The following RBMS3 variants were observed in gnomAD, a reference collection of about 807,000 sequenced individuals.
The protein encoded by RBMS3 is RNA-binding motif, single-stranded-interacting protein 3.
In RBMS3, 27 loss-of-function variants were observed where a neutral mutation model predicts 66.8. The observed-to-expected ratio is 0.40, with a 90% confidence interval of 0.30 to 0.56. The LOEUF is 0.56. Ranked by LOEUF, RBMS3 falls within the 20% of genes least tolerant of loss-of-function variation. The pLI, the probability that RBMS3 is intolerant of heterozygous loss-of-function variation, is 0.40. For synonymous variants in RBMS3, 188 were observed against 183.0 expected (o/e 1.03, Z -0.22); for missense variants, 513 against 549.5 (o/e 0.93, Z 0.66).
intron 3 of RBMS3, among the ~76,000 whole-genome samples, chr3:29,507,888 A>C (rs1403581297): frequency 6.6e-6 from 1 of 152,162 alleles, no homozygotes; most frequent in Non-Finnish European, 1.5e-5. Context: ...TATATGTTTA[A>C]AAAATTCTCC....
chr3:29,681,319 C>T (rs952205351), intron 4 of RBMS3, among the ~76,000 whole-genome samples: 3 of 152,198 alleles, frequency 2.0e-5, no homozygotes, highest in African/African-American at 7.2e-5. Context: ...CTCATGCTGA[C>T]TGATCTATAA....
intron 8 of RBMS3, among the ~76,000 whole-genome samples, chr3:29,884,471 C>CTCT (rs1553692504): frequency 0.03 from 1,149 of 38,846 alleles, 106 homozygotes; most frequent in Admixed American, 0.063. Flanking sequence ...TCTCTCTCTC[C>CTCT]CCCCCCGCTC....
intron 14 of RBMS3, among the ~76,000 whole-genome samples, chr3:29,994,622 C>A (rs1181200792): frequency 6.6e-6 from 1 of 152,204 alleles, no homozygotes; most frequent in South Asian, 2.1e-4. Context: ...GTCCCTGACC[C>A]CCGAGCAGCC....
At chr3:29,737,240 G>C (rs1043674697) in intron 4 of RBMS3, among the ~76,000 whole-genome samples, 3 of 152,164 alleles carry the variant, frequency 2.0e-5, no homozygotes, top group Non-Finnish European at 4.4e-5. Flanking sequence ...CTCCCAAAGT[G>C]CTGGGATTAC....
chr3:29,580,720 C>G (rs1296122844), intron 3 of RBMS3, among the ~76,000 whole-genome samples: 6 of 150,470 alleles, frequency 4.0e-5, no homozygotes, highest in Non-Finnish European at 8.9e-5. Context: ...AAAGGAAGAT[C>G]TCATTGTGGT....
chr3:29,720,696 C>CTGTGTGTGTGTGTG (rs201802434), intron 4 of RBMS3, among the ~76,000 whole-genome samples: 5,354 of 147,488 alleles, frequency 0.036, 149 homozygotes, highest in Middle Eastern at 0.083. Flanking sequence ...CTGTAAGAAT[C>CTGTGTGTGTGTGTG]TGTGTGTGTG....
At chr3:29,648,263 ATTTT>A (rs749839563) in intron 4 of RBMS3, among the ~76,000 whole-genome samples, 3 of 77,642 alleles carry the variant, frequency 3.9e-5, no homozygotes, top group Admixed American at 1.6e-4. Context: ...GAAAATGTCT[ATTTT>A]TTTTTTTTTT....
At chr3:29,792,046 G>T (rs1396660481) in intron 6 of RBMS3, among the ~76,000 whole-genome samples, 1 of 152,056 alleles carries the variant, frequency 6.6e-6, no homozygotes, top group South Asian at 2.1e-4. Context: ...AAACATCTAT[G>T]ATCTTGACCT....
At position 29,302,517 on chromosome 3, in the gene RBMS3, G is replaced by GA. The variant is rs202131695; in HGVS notation, c.75+20769dup. 7.6e-3 allele frequency among the ~76,000 whole-genome samples: 1,156 copies of GA among 151,542 alleles called. 9 individuals carry two copies. Among genetic ancestry groups the GA allele is most frequent in the African/African-American group, 0.026 (1,074 of 41,382 alleles). ...ACAGTGGATTGTCCCCACAATCTTG[G>GA]AAAAAAAATATATATGTATAGTTTG... On this transcript the variant is annotated intron_variant, in intron 1 of 14. Transcript: ENST00000383767.
chr3:29,838,594 A>G (rs990099912), intron 6 of RBMS3, among the ~76,000 whole-genome samples: 1 of 152,146 alleles, frequency 6.6e-6, no homozygotes, highest in Non-Finnish European at 1.5e-5. Context: ...GTTTTGATTT[A>G]TTTTATGCCA....
At chr3:29,555,127 T>C (rs2046309998) in intron 3 of RBMS3, among the ~76,000 whole-genome samples, 1 of 152,218 alleles carries the variant, frequency 6.6e-6, no homozygotes, top group African/African-American at 2.4e-5. Context: ...TCAATATCTA[T>C]TTAAAATTAT....
intron 5 of RBMS3, among the ~76,000 whole-genome samples, chr3:29,742,697 A>G (rs1025572766): frequency 2.6e-5 from 4 of 152,216 alleles, no homozygotes; most frequent in South Asian, 2.1e-4. Flanking sequence ...TTCTGTCTTC[A>G]CCAAATGGAT....
At chr3:29,755,526 AG>A (rs752792370) in intron 5 of RBMS3, among the ~76,000 whole-genome samples, 3 of 152,210 alleles carry the variant, frequency 2.0e-5, no homozygotes, top group Non-Finnish European at 2.9e-5. Flanking sequence ...AAGGGAACTG[AG>A]GTAAAGGCAA....
chr3:29,510,417 A>C (rs954660872), intron 3 of RBMS3, among the ~76,000 whole-genome samples: 1 of 152,188 alleles, frequency 6.6e-6, no homozygotes, highest in Admixed American at 6.5e-5. Flanking sequence ...AGGCAAACTT[A>C]AATTCTACTT....
intron 7 of RBMS3, chr3:29,880,711 G>A: frequency 7.0e-7 from 1 of 1,422,612 alleles, no homozygotes; most frequent in Non-Finnish European, 9.6e-7. Flanking sequence ...CCCATGCCAT[G>A]TTGTTACCCA....
chr3:29,308,758 A>AAAAAAAAAAAAAAAAAAAAC (rs2034183382), intron 1 of RBMS3, among the ~76,000 whole-genome samples: 2 of 89,050 alleles, frequency 2.2e-5, no homozygotes, highest in Non-Finnish European at 4.5e-5. Flanking sequence ...AAAAAAAACA[A>AAAAAAAAAAAAAAAAAAAAC]AAAAAAAAAC....
At position 29,354,169 on chromosome 3, in the gene RBMS3, CCTTT is replaced by C. The variant is rs948967972; in HGVS notation, c.75+72417_75+72420del. On this transcript the variant is annotated intron_variant, in intron 1 of 14. Coordinates refer to ENST00000383767, the MANE Select transcript of RBMS3 (RefSeq NM_001003793.3). ...ATTGTTGGTAATTATTAATTATCTA[CCTTT>C]CTTAGTGTTTTTCTTCAAACTCTGC... is the stretch of plus-strand genomic sequence containing the variant. Among the ~76,000 whole-genome samples the C allele has an allele frequency of 7.6e-4, 115 of 152,060 alleles. 1 individual carries two copies. The highest frequency in any genetic ancestry group is 2.7e-3 in the African/African-American group (113 of 41,488).
intron 3 of RBMS3, among the ~76,000 whole-genome samples, chr3:29,514,080 A>G (rs1377832169): frequency 6.6e-6 from 1 of 152,170 alleles, no homozygotes; most frequent in Non-Finnish European, 1.5e-5. Context: ...ACTGATTTAT[A>G]TTTAAACGTG....
At chr3:29,527,927 A>G (rs543717477) in intron 3 of RBMS3, among the ~76,000 whole-genome samples, 1 of 151,762 alleles carries the variant, frequency 6.6e-6, no homozygotes, top group South Asian at 2.1e-4. Context: ...AAAAAAATAA[A>G]TAAATAAAAA....
Sources: gnomAD v4.1 joint callset for allele counts (sites outside exome capture counted in the v4.1 genomes callset) on GRCh38, gnomAD v4.1.1 for gene constraint, MANE v1.5 for transcripts, NCBI Gene and HGNC (gene_info 2026-07-23, HGNC 2026-07-21) for gene names.